EPHA6: variants seen among roughly 807,000 people sequenced by gnomAD.
EPHA6 encodes ephrin type-A receptor 6.
A neutral mutation model predicts 112.0 loss-of-function variants in EPHA6; 50 were observed. That is an observed-to-expected ratio of 0.45 (90% CI 0.36 to 0.56). The LOEUF is 0.56. Among genes scored for constraint, EPHA6 ranks in the 20% least tolerant of loss-of-function variants. EPHA6 has a pLI of 0.00. For synonymous variants in EPHA6, 529 were observed against 490.7 expected, an observed-to-expected ratio of 1.08 and a Z score of -1.03; for missense variants, 1,280 against 1,417.4, an observed-to-expected ratio of 0.90 and a Z score of 1.56.
chr3:97,672,823 C>T (rs577536526), intron 14 of EPHA6, among the ~76,000 whole-genome samples: 12 of 152,226 alleles, frequency 7.9e-5, no homozygotes, highest in African/African-American at 2.9e-4. Context: ...AAATTTATTC[C>T]TTGCTCTAAA....
chr3:96,882,768 G>GTTTA (rs774521290), intron 2 of EPHA6, among the ~76,000 whole-genome samples: 1 of 148,780 alleles, frequency 6.7e-6, no homozygotes, highest in Admixed American at 6.7e-5. Flanking sequence ...GTGTGTGTGT[G>GTTTA]TATAGTCAAT....
intron 6 of EPHA6, among the ~76,000 whole-genome samples, chr3:97,443,494 A>C (rs566530824): frequency 1.2e-3 from 175 of 152,150 alleles, no homozygotes; most frequent in African/African-American, 4.0e-3. Flanking sequence ...ACACATCAAA[A>C]CTTCTAAAAG....
intron 2 of EPHA6, among the ~76,000 whole-genome samples, chr3:96,933,262 G>A (rs1025694343): frequency 1.9e-4 from 29 of 152,050 alleles, no homozygotes; most frequent in Non-Finnish European, 3.4e-4. Context: ...TAAAATGGGA[G>A]GGAAAGAAGA....
In EPHA6 at chr3:97,422,544, G is replaced by A. The variant is rs553619635; in HGVS notation, c.1731+17270G>A. Among the ~76,000 whole-genome samples, 7 of 152,210 alleles carry A rather than the reference G, an allele frequency of 4.6e-5. No homozygotes were observed. The South Asian group carries it at 1.2e-3, about 27-fold the overall frequency. ...GACTGATCATTGAAATAGAAAACTT[G>A]CAAAGATGTTTGAGACGTAAAATCA... On this transcript the variant is annotated intron_variant, in intron 6 of 17. Transcript: ENST00000389672.
intron 3 of EPHA6, among the ~76,000 whole-genome samples, chr3:97,121,981 AAC>A (rs2048053744): frequency 2.0e-5 from 3 of 152,066 alleles, no homozygotes; most frequent in Non-Finnish European, 4.4e-5. Flanking sequence ...GGGAATTTAT[AAC>A]CACTTGATGC....
rs563713244 is a variant in EPHA6 at position 97,424,576 on chromosome 3, G to A, written c.1731+19302G>A. Among the ~76,000 whole-genome samples, 261 of 152,134 alleles carry A rather than the reference G, an allele frequency of 1.7e-3. 1 individual carries two copies. The highest frequency in any genetic ancestry group is 6.8e-3 in the Middle Eastern group (2 of 292). ...CCCAGCATTTTGGAAGGCCAAGGCG[G>A]GCAGATTACCTGAGGTCAGGAGATC... is the stretch of plus-strand genomic sequence containing the variant. On this transcript the variant is annotated intron_variant, in intron 6 of 17. Transcript: ENST00000389672.
intron 13 of EPHA6, among the ~76,000 whole-genome samples, chr3:97,618,670 G>C (rs1244576885): frequency 6.6e-6 from 1 of 152,046 alleles, no homozygotes; most frequent in East Asian, 1.9e-4. Context: ...AGAAGAAATT[G>C]ATAAGTTCCT....
chr3:97,240,883 T>C (rs1314144097), intron 4 of EPHA6, among the ~76,000 whole-genome samples: 2 of 151,870 alleles, frequency 1.3e-5, no homozygotes, highest in African/African-American at 4.8e-5. Context: ...TTTTGTGTGA[T>C]ATTTCATGGG....
At chr3:97,007,472 A>G (rs1343383871) in intron 3 of EPHA6, among the ~76,000 whole-genome samples, 2 of 144,062 alleles carry the variant, frequency 1.4e-5, no homozygotes, top group Non-Finnish European at 3.0e-5. Flanking sequence ...ATTTTCCTCC[A>G]TCCCTTTATT....
intron 5 of EPHA6, among the ~76,000 whole-genome samples, chr3:97,367,642 C>G (rs1408050655): frequency 6.6e-6 from 1 of 151,888 alleles, no homozygotes; most frequent in Non-Finnish European, 1.5e-5. Context: ...TTGCTCACAC[C>G]TTCGTAACCT....
intron 1 of EPHA6, among the ~76,000 whole-genome samples, chr3:96,842,779 A>G (rs1433475400): frequency 6.6e-6 from 1 of 152,086 alleles, no homozygotes; most frequent in Non-Finnish European, 1.5e-5. Context: ...CCCCCAGAAA[A>G]ATAAAATCAG....
chr3:97,069,763 A>G (rs2046296781), intron 3 of EPHA6, among the ~76,000 whole-genome samples: 1 of 152,188 alleles, frequency 6.6e-6, no homozygotes, highest in African/African-American at 2.4e-5. Flanking sequence ...TGCTTATATT[A>G]GATGCTCATT....
chr3:97,611,100 A>G (rs1042051592), intron 13 of EPHA6, among the ~76,000 whole-genome samples: 3 of 151,614 alleles, frequency 2.0e-5, no homozygotes, highest in African/African-American at 7.2e-5. Context: ...GTGTGTATAT[A>G]TATGTGTGTG....
chr3:96,981,990 CT>C (rs1320619213), intron 2 of EPHA6, among the ~76,000 whole-genome samples: 3 of 151,932 alleles, frequency 2.0e-5, no homozygotes, highest in African/African-American at 7.3e-5. Flanking sequence ...TTTTGTTGAT[CT>C]TTTCAAAAAA....
Position 97,370,051 on chromosome 3 carries a change from A to T in EPHA6, c.1607-35099A>T, listed in dbSNP as rs142116716. 2.3e-3 allele frequency among the ~76,000 whole-genome samples: 353 copies of T among 152,284 alleles called. 2 individuals carry two copies. The highest frequency in any genetic ancestry group is 0.014 in the Admixed American group (212 of 15,286). On this transcript the variant is annotated intron_variant, in intron 5 of 17. Coordinates refer to ENST00000389672, the MANE Select transcript of EPHA6 (RefSeq NM_001080448.3). ...AATGTGATTGATCTACCTCTGCCCT[A>T]CAATCTCCACCCTCTCTTCACGTTT...
chr3:97,614,546 G>A (rs1337247216), intron 13 of EPHA6, among the ~76,000 whole-genome samples: 3 of 148,042 alleles, frequency 2.0e-5, no homozygotes. Context: ...AAGAGACGGG[G>A]TTTCACCACA....
intron 5 of EPHA6, among the ~76,000 whole-genome samples, chr3:97,344,048 G>A (rs553745050): frequency 2.8e-4 from 43 of 152,174 alleles, no homozygotes; most frequent in Middle Eastern, 3.4e-3. Flanking sequence ...CCATCATTAC[G>A]TTTCGGAAGC....
At position 97,646,073 on chromosome 3, in the gene EPHA6, A is replaced by G. The variant is rs1255565450; in HGVS notation, c.2784+7991A>G. On this transcript the variant is annotated intron_variant, in intron 14 of 17. Transcript: ENST00000389672. ...GAAGCTATCCTTTTCTAATCAAAAT[A>G]CGGACAGAATAGGCATTTTCCATTA... The G allele has an allele frequency of 3.6e-6, 5 of 1,392,992 alleles. No individual in the cohort carries two copies. In the Admixed American group the frequency reaches 1.2e-4, roughly 32 times the overall value. The allele number at this position is 1,392,992 out of a possible 1,614,324, so 86.3% of individuals were successfully genotyped here. A position where few individuals can be genotyped will look rare whatever the true frequency, so the allele number is the denominator to read the frequency against.
At chr3:96,872,423 T>C (rs1172296992) in intron 2 of EPHA6, among the ~76,000 whole-genome samples, 1 of 152,120 alleles carries the variant, frequency 6.6e-6, no homozygotes. Flanking sequence ...TCCTCTCCTC[T>C]TCCTTGCTTT....
Sources: gnomAD v4.1 joint callset for allele counts (sites outside exome capture counted in the v4.1 genomes callset) on GRCh38, gnomAD v4.1.1 for gene constraint, MANE v1.5 for transcripts, NCBI Gene and HGNC (gene_info 2026-07-23, HGNC 2026-07-21) for gene names.